ABCB11: variants seen among roughly 807,000 people sequenced by gnomAD.
ABCB11 encodes the protein bile salt export pump.
A neutral mutation model predicts 148.0 loss-of-function variants in ABCB11; 95 were observed. The ratio of observed to expected loss-of-function variants is 0.64; its 90% confidence interval spans 0.54 to 0.76. The LOEUF is 0.76. ABCB11 is among the 30% of genes least tolerant of loss of function. The pLI is 0.00. For missense variants in ABCB11, 1,523 were observed against 1,617.8 expected, an observed-to-expected ratio of 0.94 and a Z score of 1.01; for synonymous variants, 591 against 555.4, an observed-to-expected ratio of 1.06 and a Z score of -0.90.
intron 6 of ABCB11, among the ~76,000 whole-genome samples, 175 bp downstream of exon 6, chr2:168,996,460 C>G (rs537912624): frequency 7.0e-4 from 106 of 152,018 alleles, no homozygotes; most frequent in African/African-American, 2.4e-3. Flanking sequence ...CCACTTGTAT[C>G]CTCCTAAGTT....
Position 169,031,158 on chromosome 2 carries a change from C to T in ABCB11, c.-28+67G>A, listed in dbSNP as rs540318250. 7.9e-5 allele frequency: 12 copies of T among 152,218 alleles called. No individual in the cohort carries two copies. The South Asian group carries it at 1.7e-3, about 21-fold the overall frequency. 9.4% of individuals were successfully genotyped at this position (152,218 alleles called of 1,614,324 possible). A position where few individuals can be genotyped will look rare whatever the true frequency, so the allele number is the denominator to read the frequency against. The stretch of plus-strand genomic sequence containing the variant: ...AATGTTTAATAAACCAGAAACACTC[C>T]ACTCCACAAAGTAAGAGTTAAAGGG... On this transcript the variant is annotated intron_variant, in intron 1 of 27. Transcript: ENST00000650372.
chr2:168,970,337 T>G (rs1693530991), intron 14 of ABCB11, 122 bp from the exon 15 acceptor site: 1 of 1,540,410 alleles, frequency 6.5e-7, no homozygotes, highest in Non-Finnish European at 8.7e-7. Context: ...CTGCTCCGAC[T>G]TCCACTGAAA....
At chr2:168,953,751 G>A (rs1240212009) in intron 19 of ABCB11, among the ~76,000 whole-genome samples, 1 of 151,542 alleles carries the variant, frequency 6.6e-6, no homozygotes, top group South Asian at 2.1e-4. Flanking sequence ...ATCGGGAACT[G>A]CTTAGGGCAA....
At chr2:168,982,447 T>A (rs970378782) in intron 10 of ABCB11, among the ~76,000 whole-genome samples, 1 of 152,090 alleles carries the variant, frequency 6.6e-6, no homozygotes, top group Non-Finnish European at 1.5e-5. Flanking sequence ...CTCCATTATG[T>A]GTTTATTTTT....
At chr2:169,031,020 A>G (rs1695851057) in intron 1 of ABCB11, among the ~76,000 whole-genome samples, 1 of 152,228 alleles carries the variant, frequency 6.6e-6, no homozygotes, top group Non-Finnish European at 1.5e-5. Context: ...ATTGCTATAA[A>G]GAAGACAGCA....
intron 5 of ABCB11, 42 bp from the exon 6 acceptor site, chr2:168,996,764 T>G: frequency 7.8e-7 from 1 of 1,289,794 alleles, no homozygotes; most frequent in Non-Finnish European, 1.1e-6. Context: ...GCAAGTAGGA[T>G]CAAGCCACCA....
chr2:168,956,292 T>G (rs1025464569), intron 19 of ABCB11, among the ~76,000 whole-genome samples: 1 of 151,688 alleles, frequency 6.6e-6, no homozygotes, highest in African/African-American at 2.4e-5. Flanking sequence ...ATGTGGGGAT[T>G]ACAATTTGGC....
At chr2:168,999,306 T>C (rs1694807140) in intron 5 of ABCB11, among the ~76,000 whole-genome samples, 1 of 152,036 alleles carries the variant, frequency 6.6e-6, no homozygotes, top group African/African-American at 2.4e-5. Context: ...TACCTTGTTT[T>C]GTCATTCAAT....
At chr2:168,919,100 C>T (rs915096168), downstream of ABCB11, among the ~76,000 whole-genome samples, 5 of 151,956 alleles carry the variant, frequency 3.3e-5, no homozygotes, top group Non-Finnish European at 5.9e-5. Flanking sequence ...GGATCCAGTT[C>T]TTTTTTTACC....
intron 5 of ABCB11, among the ~76,000 whole-genome samples, chr2:169,012,599 G>T (rs1288218932): frequency 6.6e-6 from 1 of 151,768 alleles, no homozygotes; most frequent in Non-Finnish European, 1.5e-5. Flanking sequence ...ATTTAGCTGG[G>T]CATAGTGGCG....
chr2:168,918,655 T>A (rs978722291), downstream of ABCB11, among the ~76,000 whole-genome samples: 4 of 152,246 alleles, frequency 2.6e-5, no homozygotes, highest in African/African-American at 9.6e-5. Flanking sequence ...ATTGCATATA[T>A]GTACCGAAAC....
intron 24 of ABCB11, among the ~76,000 whole-genome samples, chr2:168,931,865 T>C (rs1166595034): frequency 6.6e-6 from 1 of 152,208 alleles, no homozygotes; most frequent in Non-Finnish European, 1.5e-5. Flanking sequence ...ATCTACTGTT[T>C]GTCTTCTCCA....
At chr2:168,959,453 G>A (rs1441947440) in intron 18 of ABCB11, among the ~76,000 whole-genome samples, 3 of 151,580 alleles carry the variant, frequency 2.0e-5, no homozygotes, top group South Asian at 2.1e-4. Context: ...GTGGCCACCC[G>A]TAAAGTGTAT....
intron 9 of ABCB11, among the ~76,000 whole-genome samples, chr2:168,989,750 A>G (rs1694448196): frequency 6.6e-6 from 1 of 152,178 alleles, no homozygotes; most frequent in South Asian, 2.1e-4. Flanking sequence ...TGGGCTTGTC[A>G]TATGTTACCT....
chr2:168,932,496 C>T lies in ABCB11; in HGVS notation c.3094G>A (p.Gly1032Arg). The change falls in exon 24 of 28, where the codon GGA (glycine) becomes AGA (arginine). Residue 1032 changes from glycine (G) to arginine (R), a missense_variant. Coordinates refer to ENST00000650372, the MANE Select transcript of ABCB11 (RefSeq NM_003742.4). ...SAVVLSATAL[G>R]RAFSYTPSYA... ...CTTGGGGTGTAAGAGAAGGCTCTTCCAAGAGCTGTTGCACTCAGTACAACT... is the reference window on the plus strand; with the variant it reads ...CTTGGGGTGTAAGAGAAGGCTCTTCTAAGAGCTGTTGCACTCAGTACAACT... The T allele has an allele frequency of 6.2e-7, 1 of 1,613,626 alleles. No individual in the cohort carries two copies. Among genetic ancestry groups the T allele is most frequent in the South Asian group, 1.1e-5 (1 of 90,938 alleles).
Position 168,921,626 on chromosome 2 carries a change from CT to C in ABCB11, c.*1995del, listed in dbSNP as rs1691076166. On this transcript the variant is annotated 3_prime_UTR_variant, in exon 28 of 28. Coordinates refer to ENST00000650372, the MANE Select transcript of ABCB11 (RefSeq NM_003742.4). ...CATTGGCTCTGTTACTTCTAATTTCCTTTCTCCAGCTGCCCTATTGTTGCTT... is the reference window on the plus strand; with the variant it reads ...CATTGGCTCTGTTACTTCTAATTTCCTTCTCCAGCTGCCCTATTGTTGCTT... Among the ~76,000 whole-genome samples the C allele has an allele frequency of 3.3e-5, 5 of 152,018 alleles. No individual in the cohort carries two copies.
chr2:168,985,453 T>A (rs1694285290), intron 10 of ABCB11, among the ~76,000 whole-genome samples: 3 of 152,138 alleles, frequency 2.0e-5, no homozygotes, highest in Admixed American at 6.6e-5. Context: ...ACACGCATGT[T>A]TATAGCAGCA....
chr2:168,935,478 G>A (rs922874581), intron 22 of ABCB11, 53 bp from the exon 23 acceptor site: 14 of 1,561,336 alleles, frequency 9.0e-6, no homozygotes, highest in Middle Eastern at 1.7e-4. Flanking sequence ...AACTCCTTTC[G>A]TGACATTTCA....
At chr2:168,944,199 C>G (rs1348679024) in intron 21 of ABCB11, among the ~76,000 whole-genome samples, 1 of 152,024 alleles carries the variant, frequency 6.6e-6, no homozygotes, top group African/African-American at 2.4e-5. Flanking sequence ...CTGCCCAGGA[C>G]AGCTTCTCTG....
Sources: allele counts gnomAD v4.1 joint callset (sites outside exome capture counted in the v4.1 genomes callset), GRCh38; gene constraint gnomAD v4.1.1; transcripts MANE v1.5; gene names NCBI Gene and HGNC (gene_info 2026-07-23, HGNC 2026-07-21).